L2HGDH: variants seen among roughly 807,000 people sequenced by gnomAD.
L2HGDH encodes L-2-hydroxyglutarate dehydrogenase, mitochondrial.
L2HGDH carries 34 observed loss-of-function variants against 51.5 expected under a neutral mutation model. The observed-to-expected ratio is 0.66, with a 90% CI of 0.50 to 0.88. The LOEUF (loss-of-function observed/expected upper bound fraction) is 0.88, where lower values mean the gene tolerates loss of function less well. Ranked by LOEUF, L2HGDH falls within the 40% of genes least tolerant of loss-of-function variation. L2HGDH has a pLI of 0.00. For synonymous variants in L2HGDH, 198 were observed against 197.9 expected (o/e 1.00, Z -0.01); for missense variants, 558 against 571.9 (o/e 0.98, Z 0.25).
chr14:50,279,298 T>C lies in L2HGDH; in HGVS notation c.704-744A>G, dbSNP rs148016992. Reference sequence around the variant, plus strand: ...AATTTCTCAACAGCAAATAGAAGGCTCACAAATCTATCATTTGGACAAAAA... The same window carrying C: ...AATTTCTCAACAGCAAATAGAAGGCCCACAAATCTATCATTTGGACAAAAA... On this transcript the variant is annotated intron_variant, in intron 5 of 9. Coordinates refer to ENST00000267436, the MANE Select transcript of L2HGDH (RefSeq NM_024884.3). 1.4e-3 allele frequency among the ~76,000 whole-genome samples: 218 copies of C among 152,156 alleles called. 1 individual carries two copies. Among genetic ancestry groups the C allele is most frequent in the African/African-American group, 5.1e-3 (211 of 41,510 alleles).
chr14:50,265,220 T>G lies in L2HGDH; in HGVS notation c.1196+138A>C, dbSNP rs144094863. ...CTGCAAAGGGAATTCAACAACATGT[T>G]GGGAAAGAAAGCAAACAAAAATTCA... is the stretch of plus-strand genomic sequence containing the variant. On this transcript the variant is annotated intron_variant, in intron 9 of 9. Coordinates refer to ENST00000267436, the MANE Select transcript of L2HGDH (RefSeq NM_024884.3). The G allele has an allele frequency of 1.2e-3, 814 of 695,834 alleles. 12 individuals are homozygous for G. In the African/African-American group the frequency reaches 0.013, roughly 11 times the overall value. The allele number at this position is 695,834 out of a possible 1,614,324, so 43.1% of individuals were successfully genotyped here.
At chr14:50,270,708 G>A (rs975974179) in intron 6 of L2HGDH, among the ~76,000 whole-genome samples, 3 of 151,802 alleles carry the variant, frequency 2.0e-5, no homozygotes, top group East Asian at 3.9e-4. Context: ...GGGTTTCACC[G>A]TGTTAGCCAG....
chr14:50,300,900 C>T (rs2030370005), intron 3 of L2HGDH, among the ~76,000 whole-genome samples: 1 of 152,134 alleles, frequency 6.6e-6, no homozygotes. Context: ...TCATGGATCA[C>T]TGCAGCCTTG....
intron 1 of L2HGDH, among the ~76,000 whole-genome samples, chr14:50,310,226 G>T (rs1429597781): frequency 6.6e-6 from 1 of 151,188 alleles, no homozygotes; most frequent in East Asian, 2.0e-4. Flanking sequence ...TCTTTGTACT[G>T]TTTATTTATT....
intron 4 of L2HGDH, among the ~76,000 whole-genome samples, chr14:50,291,016 G>A (rs1297575703): frequency 6.6e-6 from 1 of 151,598 alleles, no homozygotes; most frequent in Non-Finnish European, 1.5e-5. Context: ...TGGCCAATAT[G>A]GTGAAACCCT....
intron 7 of L2HGDH, among the ~76,000 whole-genome samples, chr14:50,268,396 A>G (rs1041985659): frequency 1.3e-5 from 2 of 151,592 alleles, no homozygotes; most frequent in South Asian, 4.2e-4. Context: ...AAAAAAAAAA[A>G]AAAAAGAAAC....
At position 50,294,165 on chromosome 14, in the gene L2HGDH, G is replaced by C; in HGVS notation, c.490C>G (p.Leu164Val). Residue 164 changes from leucine to valine, a missense_variant, in exon 4 of 10, where the codon CTG becomes GTG. Leu to Val is a conservative substitution (Grantham distance 32). Transcript: ENST00000267436. ...ATATCCTCCTGCTGGATCAGCCTCA[G>C]GCCCGGGACACCATTCTGGAGGCCT... ...EKGLQNGVPG[L>V]RLIQQEDIKK... The C allele has an allele frequency of 6.2e-7, 1 of 1,613,736 alleles. No homozygotes were observed. The highest frequency in any genetic ancestry group is 2.2e-5 in the East Asian group (1 of 44,864).
intron 1 of L2HGDH, among the ~76,000 whole-genome samples, chr14:50,311,724 TAAG>T (rs1199407093): frequency 6.6e-6 from 1 of 152,146 alleles, no homozygotes; most frequent in Non-Finnish European, 1.5e-5. Context: ...ACTGAGCCTT[TAAG>T]GAGGTTAAGT....
intron 8 of L2HGDH, among the ~76,000 whole-genome samples, chr14:50,267,287 A>G (rs1298815962): frequency 6.6e-6 from 1 of 151,742 alleles, no homozygotes; most frequent in Non-Finnish European, 1.5e-5. Context: ...GGTTCATGCC[A>G]TTCTCCTGCC....
intron 8 of L2HGDH, among the ~76,000 whole-genome samples, chr14:50,267,350 T>A (rs1241906785): frequency 6.6e-6 from 1 of 151,744 alleles, no homozygotes; most frequent in Non-Finnish European, 1.5e-5. Context: ...GCCTAGCTAA[T>A]TTTTTGTATT....
At chr14:50,290,922 G>A (rs1230076732) in intron 4 of L2HGDH, among the ~76,000 whole-genome samples, 2 of 151,822 alleles carry the variant, frequency 1.3e-5, no homozygotes, top group African/African-American at 2.4e-5. Flanking sequence ...TAGCATGGCC[G>A]GGCACGGTGG....
intron 1 of L2HGDH, chr14:50,311,242 C>T (rs886931233): frequency 9.3e-6 from 4 of 429,254 alleles, no homozygotes; most frequent in South Asian, 4.9e-5. Context: ...AATAGCTTCC[C>T]GTGGCTCTTA....
intron 1 of L2HGDH, chr14:50,311,245 G>C (rs2031145055): frequency 4.6e-6 from 2 of 431,614 alleles, no homozygotes; most frequent in Non-Finnish European, 9.3e-6. Context: ...AGCTTCCCGT[G>C]GCTCTTAGAA....
chr14:50,252,449 T>C lies in L2HGDH; in HGVS notation c.1197-5196A>G, dbSNP rs376026037. ...TATCAATAATAACACTGAATGTAAA[T>C]AGACTAAAGTCTGCAGTCAAAAAGA... On this transcript the variant is annotated intron_variant, in intron 9 of 9. Coordinates refer to ENST00000267436, the MANE Select transcript of L2HGDH (RefSeq NM_024884.3). Among the ~76,000 whole-genome samples, 40 of 151,982 alleles carry C rather than the reference T, an allele frequency of 2.6e-4. No individual in the cohort carries two copies. In the East Asian group the frequency reaches 5.6e-3, roughly 21 times the overall value.
chr14:50,303,781 CAA>C (rs59420070), intron 1 of L2HGDH, among the ~76,000 whole-genome samples: 28 of 29,678 alleles, frequency 9.4e-4, no homozygotes, highest in Admixed American at 2.1e-3. Flanking sequence ...GACCCTGTCT[CAA>C]AAAAAAAAAA....
chr14:50,258,883 C>T lies in L2HGDH; in HGVS notation c.1196+6475G>A, dbSNP rs550600197. On this transcript the variant is annotated intron_variant, in intron 9 of 9. Transcript: ENST00000267436. ...TTTTGAGACAGGGTCTCACTGTTGTCCAGACTGGAGTGCAGTGGTGTTATC... is the reference window on the plus strand; with the variant it reads ...TTTTGAGACAGGGTCTCACTGTTGTTCAGACTGGAGTGCAGTGGTGTTATC... Among the ~76,000 whole-genome samples, 3 of 151,786 alleles carry T rather than the reference C, an allele frequency of 2.0e-5. No individual in the cohort carries two copies. The South Asian group carries it at 6.3e-4, about 32-fold the overall frequency.
intron 9 of L2HGDH, among the ~76,000 whole-genome samples, chr14:50,262,745 G>C (rs560614948): frequency 6.6e-6 from 1 of 151,692 alleles, no homozygotes; most frequent in East Asian, 1.9e-4. Flanking sequence ...GGTATCAAAC[G>C]TATCTTCCCC....
intron 4 of L2HGDH, among the ~76,000 whole-genome samples, chr14:50,290,583 C>T (rs572155410): frequency 6.6e-6 from 1 of 152,262 alleles, no homozygotes; most frequent in East Asian, 1.9e-4. Context: ...GGCTGTTTGG[C>T]GTTAAAACAG....
rs1404276614 is a variant in L2HGDH at position 50,247,021 on chromosome 14, A to G, written c.*37T>C. 3 of 1,596,800 alleles carry G rather than the reference A, an allele frequency of 1.9e-6. No individual in the cohort carries two copies. The highest frequency in any genetic ancestry group is 1.1e-5 in the South Asian group (1 of 89,376). On this transcript the variant is annotated 3_prime_UTR_variant, in exon 10 of 10. Transcript: ENST00000267436. Reference sequence around the variant, plus strand: ...CAATTAGTACATTCTTGTTGCTGACATGAAGATTACAGTGCATACCTAGCT... The same window carrying G: ...CAATTAGTACATTCTTGTTGCTGACGTGAAGATTACAGTGCATACCTAGCT...
Sources: gnomAD v4.1 joint callset for allele counts (sites outside exome capture counted in the v4.1 genomes callset) on GRCh38, gnomAD v4.1.1 for gene constraint, MANE v1.5 for transcripts, NCBI Gene and HGNC (gene_info 2026-07-23, HGNC 2026-07-21) for gene names.